USP7: variants seen among roughly 807,000 people sequenced by gnomAD.
USP7 encodes the protein ubiquitin C-terminal hydrolase 7.
USP7 carries 9 observed loss-of-function variants against 162.9 expected under a neutral mutation model. That is an observed-to-expected ratio of 0.06 (90% CI 0.03 to 0.10). USP7 has a LOEUF of 0.10. Ranked by LOEUF, USP7 falls within the 10% of genes least tolerant of loss-of-function variation. The probability of loss-of-function intolerance (pLI) is 1.00; values close to 1 mark genes in which losing one functional copy is unlikely to be tolerated. For synonymous variants in USP7, 562 were observed against 475.9 expected, an observed-to-expected ratio of 1.18 and a Z score of -2.35; for missense variants, 715 against 1,373.7, an observed-to-expected ratio of 0.52 and a Z score of 7.58.
At chr16:8,938,771 G>C (rs1448721707) in intron 1 of USP7, among the ~76,000 whole-genome samples, 2 of 151,408 alleles carry the variant, frequency 1.3e-5, no homozygotes, top group Admixed American at 6.6e-5. Context: ...ATTTTTTTCT[G>C]TGTCATTATT....
At chr16:8,947,790 G>C (rs1596410572) in intron 1 of USP7, among the ~76,000 whole-genome samples, 1 of 152,156 alleles carries the variant, frequency 6.6e-6, no homozygotes, top group African/African-American at 2.4e-5. Context: ...CCAGATGTGG[G>C]ACTGCCTGAT....
chr16:8,904,114 G>A (rs2061821788), intron 15 of USP7, among the ~76,000 whole-genome samples: 1 of 152,168 alleles, frequency 6.6e-6, no homozygotes. Flanking sequence ...AACAGGGCCA[G>A]GTGTTACAAA....
chr16:8,911,136 T>C (rs2061940528), intron 10 of USP7, among the ~76,000 whole-genome samples: 1 of 152,202 alleles, frequency 6.6e-6, no homozygotes, highest in Admixed American at 6.5e-5. Context: ...AGCTTGGAAT[T>C]GGGCAGTGTG....
intron 11 of USP7, among the ~76,000 whole-genome samples, chr16:8,909,720 G>T (rs540260722): frequency 6.6e-6 from 1 of 152,198 alleles, no homozygotes; most frequent in African/African-American, 2.4e-5. Context: ...AAGGTCAGGG[G>T]TTTGAGACCT....
chr16:8,928,708 C>T (rs1250538584), intron 2 of USP7, among the ~76,000 whole-genome samples: 1 of 152,208 alleles, frequency 6.6e-6, no homozygotes, highest in Admixed American at 6.5e-5. Flanking sequence ...CGGAAGATTA[C>T]TCAACCTTCT....
intron 8 of USP7, among the ~76,000 whole-genome samples, chr16:8,915,734 C>G (rs554746127): frequency 6.6e-6 from 1 of 152,266 alleles, no homozygotes; most frequent in South Asian, 2.1e-4. Context: ...TGAGGTTAAC[C>G]TTTTATACAG....
chr16:8,910,902 T>TA (rs1290708253), intron 10 of USP7, 75 bp from the exon 11 acceptor site: 4 of 1,210,590 alleles, frequency 3.3e-6, no homozygotes, highest in Middle Eastern at 1.9e-4. Flanking sequence ...GTAAGTTATT[T>TA]AAATCAGCAT....
chr16:8,936,625 T>C (rs1214737800), intron 1 of USP7: 6 of 1,559,116 alleles, frequency 3.8e-6, no homozygotes, highest in Non-Finnish European at 5.2e-6. Context: ...TCTGCATGGC[T>C]CTGCAGTGGC....
intron 1 of USP7, among the ~76,000 whole-genome samples, chr16:8,938,002 T>C (rs1855591292): frequency 6.6e-6 from 1 of 152,124 alleles, no homozygotes; most frequent in South Asian, 2.1e-4. Context: ...TGCCAGGCCT[T>C]GTACAATTCT....
chr16:8,944,628 G>T lies in USP7; in HGVS notation c.80-14231C>A, dbSNP rs550334986. ...AAAAGGGAACAACCTAGCACAGAAA[G>T]AAAACTATTTTTTTCTCTTTTGCAC... On this transcript the variant is annotated intron_variant, in intron 1 of 30. Transcript: ENST00000344836. Among the ~76,000 whole-genome samples, 11 of 152,280 alleles carry T rather than the reference G, an allele frequency of 7.2e-5. No individual in the cohort carries two copies. The South Asian group carries it at 1.9e-3, about 26-fold the overall frequency.
In USP7 at chr16:8,962,044, G is replaced by C. The variant is rs554461751; in HGVS notation, c.79+1163C>G. On this transcript the variant is annotated intron_variant, in intron 1 of 30. Coordinates refer to ENST00000344836, the MANE Select transcript of USP7 (RefSeq NM_003470.3). The stretch of plus-strand genomic sequence containing the variant: ...TACTGGAAGTAAGTTATTCTATTCA[G>C]AGGTGAACACCAGTCACGCTTAAGT... Among the ~76,000 whole-genome samples the C allele has an allele frequency of 1.8e-4, 28 of 152,304 alleles. No homozygotes were observed. In the South Asian group the frequency reaches 5.6e-3, roughly 30 times the overall value.
intron 13 of USP7, among the ~76,000 whole-genome samples, chr16:8,905,563 T>C (rs2061847033): frequency 6.6e-6 from 1 of 152,250 alleles, no homozygotes. Flanking sequence ...TTCAACATTC[T>C]GTGGGCACTG....
chr16:8,893,957 AC>A lies in USP7; in HGVS notation c.*40del. ...CAAAGTTCTAGGCTGTTAAGGGGCC[AC>A]CCACACACCGTCCTCGCCTTGAACA... On this transcript the variant is annotated 3_prime_UTR_variant, in exon 31 of 31. Transcript: ENST00000344836. 1.3e-6 allele frequency: 2 copies of A among 1,589,516 alleles called. No individual in the cohort carries two copies. The highest frequency in any genetic ancestry group is 1.7e-6 in the Non-Finnish European group (2 of 1,157,500).
At chr16:8,918,606 T>A (rs939009066) in intron 6 of USP7, among the ~76,000 whole-genome samples, 4 of 152,032 alleles carry the variant, frequency 2.6e-5, no homozygotes, top group African/African-American at 9.7e-5. Context: ...GGTCAGGAGT[T>A]CGAGACCAGC....
intron 1 of USP7, chr16:8,956,197 T>C (rs1307980857): frequency 1.3e-5 from 2 of 152,220 alleles, no homozygotes; most frequent in South Asian, 2.1e-4. Context: ...GATTTTTTAA[T>C]CTTCTATGGC....
At chr16:8,930,266 G>C (rs549836030) in intron 2 of USP7, 27 bp downstream of exon 2, 1 of 1,575,964 alleles carries the variant, frequency 6.3e-7, no homozygotes, top group African/African-American at 1.4e-5. Flanking sequence ...TCCGCCCACT[G>C]CGAGGCGGTG....
intron 25 of USP7, chr16:8,897,343 G>A (rs2061698716): frequency 2.1e-6 from 1 of 472,872 alleles, no homozygotes; most frequent in Non-Finnish European, 3.8e-6. Context: ...GATGCAAGAA[G>A]CCTGTCATTT....
chr16:8,913,793 C>T (rs1480220481), intron 10 of USP7, among the ~76,000 whole-genome samples: 1 of 151,976 alleles, frequency 6.6e-6, no homozygotes, highest in Non-Finnish European at 1.5e-5. Flanking sequence ...CTCTGTTGCC[C>T]AGGCTGCAGT....
intron 10 of USP7, among the ~76,000 whole-genome samples, chr16:8,914,005 T>C (rs563620445): frequency 6.6e-6 from 1 of 152,138 alleles, no homozygotes; most frequent in Non-Finnish European, 1.5e-5. Flanking sequence ...CCCAAAGTGC[T>C]GAAATTACAG....
Sources: gnomAD v4.1 joint callset for allele counts (sites outside exome capture counted in the v4.1 genomes callset) on GRCh38, gnomAD v4.1.1 for gene constraint, MANE v1.5 for transcripts, NCBI Gene and HGNC (gene_info 2026-07-23, HGNC 2026-07-21) for gene names.